The following TRIM54 variants were observed in gnomAD, a reference collection of about 807,000 sequenced individuals.
The protein encoded by TRIM54 is tripartite motif containing 54, also known as tripartite motif-containing protein 54.
Under a neutral mutation model 42.0 loss-of-function variants are expected in TRIM54, and 40 were observed. The observed-to-expected ratio is 0.95, with a 90% confidence interval of 0.74 to 1.24. TRIM54 has a LOEUF of 1.24. Among genes scored for constraint, TRIM54 ranks in the 50% most tolerant of loss-of-function variants. The pLI, the probability that TRIM54 is intolerant of heterozygous loss-of-function variation, is 0.00. For missense variants in TRIM54, 485 were observed against 480.3 expected, an observed-to-expected ratio of 1.01 and a Z score of -0.09; for synonymous variants, 199 against 194.9, an observed-to-expected ratio of 1.02 and a Z score of -0.17.
intron 3 of TRIM54, among the ~76,000 whole-genome samples, chr2:27,302,385 G>C (rs555331805): frequency 6.6e-6 from 1 of 151,538 alleles, no homozygotes; most frequent in African/African-American, 2.4e-5. Flanking sequence ...GGCAGAGCTT[G>C]CAGTGAGCCA....
At chr2:27,288,672 T>C (rs1263468639) in intron 1 of TRIM54, among the ~76,000 whole-genome samples, 2 of 152,236 alleles carry the variant, frequency 1.3e-5, no homozygotes, top group Non-Finnish European at 2.9e-5. Flanking sequence ...ATTTATAGAA[T>C]ACATTCACAA....
chr2:27,294,889 CAAAAAAAAAAAA>C (rs57097129), intron 1 of TRIM54, among the ~76,000 whole-genome samples: 7 of 52,828 alleles, frequency 1.3e-4, no homozygotes, highest in African/African-American at 5.1e-4. Context: ...GACTCCATCT[CAAAAAAAAAAAA>C]AAAAAAAAAG....
intron 1 of TRIM54, among the ~76,000 whole-genome samples, chr2:27,297,691 C>T (rs945702669): frequency 6.6e-6 from 1 of 152,070 alleles, no homozygotes; most frequent in African/African-American, 2.4e-5. Flanking sequence ...AATTTATATA[C>T]TTAAGAGGTT....
intron 1 of TRIM54, among the ~76,000 whole-genome samples, chr2:27,289,568 C>T (rs1449578003): frequency 5.9e-5 from 9 of 152,190 alleles, no homozygotes; most frequent in East Asian, 1.9e-4. Context: ...CTGCCCGCCT[C>T]GGCCTCCCAG....
rs1678470811 is a variant in TRIM54 at position 27,283,784 on chromosome 2, G to GCACACGCACACACACACA, written c.168+890_168+891insGCACACACACACACACAC. ...CAAAGGCACACACACACACACGCGC[G>GCACACGCACACACACACA]CACACACACACACACACACACACAC... On this transcript the variant is annotated intron_variant, in intron 1 of 8. Transcript: ENST00000380075. 2.3e-5 allele frequency among the ~76,000 whole-genome samples: 3 copies of GCACACGCACACACACACA among 132,168 alleles called. 1 individual carries two copies. In the South Asian group the frequency reaches 7.4e-4, roughly 33 times the overall value. The allele number at this position is 132,168 out of a possible 152,430, so 86.7% of individuals were successfully genotyped here. A position where few individuals can be genotyped will look rare whatever the true frequency, so the allele number is the denominator to read the frequency against.
intron 1 of TRIM54, among the ~76,000 whole-genome samples, chr2:27,286,873 G>C (rs1678582198): frequency 6.6e-6 from 1 of 152,174 alleles, no homozygotes; most frequent in Non-Finnish European, 1.5e-5. Flanking sequence ...GTACAGGCCT[G>C]CCAGAGAAGA....
chr2:27,285,852 A>G (rs923004234), intron 1 of TRIM54, among the ~76,000 whole-genome samples: 1 of 152,190 alleles, frequency 6.6e-6, no homozygotes, highest in African/African-American at 2.4e-5. Flanking sequence ...CGTGATGGAC[A>G]ACAAACAAGA....
chr2:27,303,154 A>G (rs1679080933), intron 3 of TRIM54, among the ~76,000 whole-genome samples: 2 of 152,196 alleles, frequency 1.3e-5, no homozygotes, highest in African/African-American at 4.8e-5. Flanking sequence ...AGTGGCAAGC[A>G]CAGAAAAGGC....
intron 1 of TRIM54, among the ~76,000 whole-genome samples, chr2:27,296,926 T>A (rs1678883067): frequency 6.6e-6 from 1 of 152,122 alleles, no homozygotes; most frequent in Non-Finnish European, 1.5e-5. Context: ...GCCCAGCTAA[T>A]TTTTTTATTT....
intron 1 of TRIM54, among the ~76,000 whole-genome samples, chr2:27,294,519 A>G (rs887020943): frequency 2.6e-5 from 4 of 152,138 alleles, no homozygotes; most frequent in Admixed American, 2.0e-4. Context: ...TTTGCCACCT[A>G]TTAGCTCATG....
intron 3 of TRIM54, among the ~76,000 whole-genome samples, chr2:27,300,843 G>T (rs182851411): frequency 2.0e-5 from 3 of 152,212 alleles, no homozygotes; most frequent in Admixed American, 6.5e-5. Context: ...TCCAGCCTGG[G>T]TGATAGAGTG....
intron 1 of TRIM54, among the ~76,000 whole-genome samples, chr2:27,292,292 T>C (rs11904367): frequency 0.05 from 7,651 of 152,260 alleles, 612 homozygotes; most frequent in African/African-American, 0.17. Context: ...AATTGTAAGC[T>C]TGGCATGGGG....
In TRIM54 at chr2:27,306,115, A is replaced by G. The variant is rs1013474044; in HGVS notation, c.866+13A>G. 1 of 1,613,878 alleles carries G rather than the reference A, an allele frequency of 6.2e-7. No individual in the cohort carries two copies. Among genetic ancestry groups the G allele is most frequent in the Non-Finnish European group, 8.5e-7 (1 of 1,180,010 alleles). On this transcript the variant is annotated intron_variant, in intron 6 of 8. Coordinates refer to ENST00000380075, the MANE Select transcript of TRIM54 (RefSeq NM_187841.3). The surrounding 1 kb of genome is among the most constrained non-coding windows in gnomAD (Gnocchi z 6.1). The stretch of plus-strand genomic sequence containing the variant: ...AGCTGATCAATAAGTGAGTAGGCAT[A>G]GCGGGAAGGGAAAGGAGGGGGCTGC...
At chr2:27,297,978 C>T (rs1196409315) in intron 1 of TRIM54, among the ~76,000 whole-genome samples, 1 of 64,790 alleles carries the variant, frequency 1.5e-5, no homozygotes, top group Non-Finnish European at 2.7e-5. Flanking sequence ...AAGAACCTGT[C>T]TCAAAAAAAA....
rs575162223 is a variant in TRIM54, at chr2:27,291,961, G to A, written c.169-6606G>A. 9.5e-4 allele frequency among the ~76,000 whole-genome samples: 145 copies of A among 152,234 alleles called. 2 individuals carry two copies. The highest frequency in any genetic ancestry group is 1.7e-3 in the Non-Finnish European group (115 of 67,996). ...AGCAAGACGGTGGGAAAGCAGAGGT[G>A]CAGCCTCTCCCCACCGCCCTGCACC... On this transcript the variant is annotated intron_variant, in intron 1 of 8. Coordinates refer to ENST00000380075, the MANE Select transcript of TRIM54 (RefSeq NM_187841.3).
intron 1 of TRIM54, among the ~76,000 whole-genome samples, chr2:27,288,750 A>G (rs960828651): frequency 2.6e-5 from 4 of 152,246 alleles, no homozygotes; most frequent in Non-Finnish European, 4.4e-5. Flanking sequence ...CATAGGAAAC[A>G]GGTCACAGTC....
At chr2:27,283,260 G>A (rs1399096221) in intron 1 of TRIM54, among the ~76,000 whole-genome samples, 1 of 152,172 alleles carries the variant, frequency 6.6e-6, no homozygotes, top group South Asian at 2.1e-4. Context: ...CGAGAGCATT[G>A]TGGAAAATAC....
chr2:27,305,877 T>C, intron 5 of TRIM54, 60 bp downstream of exon 5: 2 of 1,447,504 alleles, frequency 1.4e-6, no homozygotes, highest in South Asian at 1.2e-5. Flanking sequence ...CCTTGGTACC[T>C]GGAGTCCCGG....
intron 1 of TRIM54, among the ~76,000 whole-genome samples, chr2:27,291,367 A>G (rs772670040): frequency 8.5e-5 from 13 of 152,174 alleles, no homozygotes; most frequent in Non-Finnish European, 1.8e-4. Context: ...AAACAAAAAC[A>G]AACAAACAAA....
Sources: gnomAD v4.1 joint callset for allele counts (sites outside exome capture counted in the v4.1 genomes callset) on GRCh38, gnomAD v4.1.1 for gene constraint, Gnocchi (gnomAD v3.1) non-coding constraint, MANE v1.5 for transcripts, NCBI Gene and HGNC (gene_info 2026-07-23, HGNC 2026-07-21) for gene names.